TNRC6A: variants seen among roughly 807,000 people sequenced by gnomAD.
The protein encoded by TNRC6A is trinucleotide repeat containing adaptor 6A.
A neutral mutation model predicts 221.2 loss-of-function variants in TNRC6A; 44 were observed. The ratio of observed to expected loss-of-function variants is 0.20; its 90% confidence interval spans 0.16 to 0.26. The LOEUF (loss-of-function observed/expected upper bound fraction) is 0.26. TNRC6A is among the 10% of genes least tolerant of loss of function. The pLI is 1.00. For missense variants in TNRC6A, 2,199 were observed against 2,404.4 expected (o/e 0.91, Z 1.79); for synonymous variants, 847 against 838.5 (o/e 1.01, Z -0.18).
rs1017104401 is a variant in TNRC6A at position 24,701,057 on chromosome 16, G to C, written n.403-49669G>C. On this transcript the variant is annotated intron_variant and non_coding_transcript_variant, in intron 2 of 2. Coordinates refer to the TNRC6A transcript ENST00000566108. ...ACTTGGGTCAGCCCTAGCCCGGGAAGAACATTCAGTTCTGGGAGGAAGGGT... is the reference window on the plus strand; with the variant it reads ...ACTTGGGTCAGCCCTAGCCCGGGAACAACATTCAGTTCTGGGAGGAAGGGT... Among the ~76,000 whole-genome samples, 3 of 152,226 alleles carry C rather than the reference G, an allele frequency of 2.0e-5. No homozygotes were observed. The South Asian group carries it at 6.2e-4, about 32-fold the overall frequency.
chr16:24,730,015 C>CG (rs1180962941), intron 1 of TNRC6A, among the ~76,000 whole-genome samples, 169 bp downstream of exon 1: 2 of 147,648 alleles, frequency 1.4e-5, no homozygotes, highest in Non-Finnish European at 3.0e-5. Flanking sequence ...GCGGGCGGCC[C>CG]GGGGGAGCCT....
At chr16:24,675,700 C>CTATATA (rs139734899) in intron 2 of TNRC6A, among the ~76,000 whole-genome samples, 13 of 54,880 alleles carry the variant, frequency 2.4e-4, no homozygotes, top group Non-Finnish European at 3.8e-4. Flanking sequence ...CTCTCTCTCT[C>CTATATA]TCTATATATA....
At chr16:24,655,310 A>ATC (rs2054887354) in intron 2 of TNRC6A, among the ~76,000 whole-genome samples, 1 of 152,176 alleles carries the variant, frequency 6.6e-6, no homozygotes, top group Non-Finnish European at 1.5e-5. Flanking sequence ...AAAACATGAA[A>ATC]TTCTGCTTTG....
intron 5 of TNRC6A, among the ~76,000 whole-genome samples, chr16:24,780,844 A>G (rs1001581000): frequency 2.0e-5 from 3 of 152,068 alleles, no homozygotes; most frequent in African/African-American, 7.3e-5. Context: ...GTTAACATTA[A>G]AGTTTCTGGA....
At chr16:24,687,881 A>AAGAAGAAGAAGC (rs1474000799) in intron 2 of TNRC6A, among the ~76,000 whole-genome samples, 13 of 147,998 alleles carry the variant, frequency 8.8e-5, no homozygotes, top group Middle Eastern at 3.5e-3. Context: ...GAAGAAGAAG[A>AAGAAGAAGAAGC]AGCAGCTTAT....
intron 2 of TNRC6A, chr16:24,671,001 A>G (rs1413849302): frequency 2.5e-6 from 1 of 402,198 alleles, no homozygotes; most frequent in South Asian, 1.8e-5. Context: ...GTCTCCTGGC[A>G]GCACATTCCT....
chr16:24,721,691 C>T (rs572604936), intron 2 of TNRC6A, among the ~76,000 whole-genome samples: 98 of 152,184 alleles, frequency 6.4e-4, no homozygotes, highest in African/African-American at 2.2e-3. Context: ...CCTTTGGTCC[C>T]AGCTACTCGT....
intron 2 of TNRC6A, among the ~76,000 whole-genome samples, chr16:24,643,217 G>A (rs1902091195): frequency 6.7e-6 from 1 of 149,912 alleles, no homozygotes; most frequent in Admixed American, 6.7e-5. Flanking sequence ...AACAGGCAGG[G>A]CCCATCATTC....
intron 2 of TNRC6A, among the ~76,000 whole-genome samples, chr16:24,724,262 G>C (rs890292489): frequency 6.6e-6 from 1 of 151,970 alleles, no homozygotes; most frequent in Non-Finnish European, 1.5e-5. Flanking sequence ...TTGTTTGTCT[G>C]TTTTATCATT....
intron 10 of TNRC6A, among the ~76,000 whole-genome samples, 171 bp from the exon 11 acceptor site, chr16:24,797,744 A>G (rs557877501): frequency 1.3e-5 from 2 of 152,328 alleles, no homozygotes; most frequent in East Asian, 3.9e-4. Flanking sequence ...AAAAACTTCA[A>G]TCACATGTCT....
chr16:24,612,952 A>T (rs1900128287), intron 1 of TNRC6A, among the ~76,000 whole-genome samples: 1 of 151,880 alleles, frequency 6.6e-6, no homozygotes, highest in Admixed American at 6.6e-5. Context: ...TATGATAAGA[A>T]TATATAACTG....
intron 6 of TNRC6A, among the ~76,000 whole-genome samples, chr16:24,792,588 A>C (rs72770410): frequency 0.22 from 8,914 of 41,334 alleles, 373 homozygotes; most frequent in Middle Eastern, 0.32. Context: ...GTTGGCTTTG[A>C]TTTTTTTTAA....
chr16:24,717,772 T>C (rs1366806269), intron 2 of TNRC6A, among the ~76,000 whole-genome samples: 7,289 of 129,670 alleles, frequency 0.056, 192 homozygotes, highest in East Asian at 0.21. Flanking sequence ...TTTTTTTTCT[T>C]TTTTTTTTTT....
At chr16:24,806,096 C>A in intron 15 of TNRC6A, 110 bp from the exon 16 acceptor site, 2 of 1,151,792 alleles carry the variant, frequency 1.7e-6, no homozygotes, top group Non-Finnish European at 1.2e-6. Flanking sequence ...GACATGTTGG[C>A]ATTGGCTAGA....
At chr16:24,764,968 C>G (rs72768684) in intron 4 of TNRC6A, among the ~76,000 whole-genome samples, 9,793 of 152,118 alleles carry the variant, frequency 0.064, 392 homozygotes, top group Middle Eastern at 0.088. Flanking sequence ...TAATAGTTAT[C>G]AGAATTTGGT....
At chr16:24,715,516 G>A (rs1457460797) in intron 2 of TNRC6A, among the ~76,000 whole-genome samples, 2 of 151,810 alleles carry the variant, frequency 1.3e-5, no homozygotes, top group Non-Finnish European at 2.9e-5. Flanking sequence ...TGCCTGATGG[G>A]ATCAGAAATT....
At chr16:24,682,398 T>TA (rs1001836431) in intron 2 of TNRC6A, among the ~76,000 whole-genome samples, 1 of 150,750 alleles carries the variant, frequency 6.6e-6, no homozygotes. Flanking sequence ...GCTTTTTTTT[T>TA]TTTTTTTTCA....
chr16:24,689,952 T>C (rs1174249715), intron 2 of TNRC6A, among the ~76,000 whole-genome samples: 2 of 140,256 alleles, frequency 1.4e-5, no homozygotes, highest in African/African-American at 2.6e-5. Context: ...GGTCTCATTA[T>C]GTTGCCTAGG....
Position 24,790,816 on chromosome 16 carries a change from A to G in TNRC6A, c.2174A>G (p.Gln725Arg), listed in dbSNP as rs2058082778. 2 of 1,614,064 alleles carry G rather than the reference A, an allele frequency of 1.2e-6. No individual in the cohort carries two copies. Among genetic ancestry groups the G allele is most frequent in the Non-Finnish European group, 1.7e-6 (2 of 1,180,056 alleles). ...PRVLSNSGWGQTPIKQNTAWD... is the reference protein window; with the variant it reads ...PRVLSNSGWGRTPIKQNTAWD... ...GTCCTGTCCAACTCTGGTTGGGGAC[A>G]GACTCCTATTAAGCAGAATACTGCC... is the stretch of plus-strand genomic sequence containing the variant. The change falls in exon 6 of 25, where the codon CAG (glutamine) becomes CGG (arginine). Residue 725 changes from glutamine (Q) to arginine (R), a missense_variant. Physicochemically the swap from Gln to Arg is conservative, Grantham distance 43. This residue lies in a region of TNRC6A where 1,405 missense variants were observed against 1,400.2 expected (regional missense o/e 1.00). Coordinates refer to ENST00000395799, the MANE Select transcript of TNRC6A (RefSeq NM_014494.4).
Sources: allele counts gnomAD v4.1 joint callset (sites outside exome capture counted in the v4.1 genomes callset), GRCh38; gene constraint gnomAD v4.1.1; regional missense constraint gnomAD v4.1.1; transcripts MANE v1.5; gene names NCBI Gene and HGNC (gene_info 2026-07-23, HGNC 2026-07-21).